RORA: variants seen among roughly 807,000 people sequenced by gnomAD.
RORA encodes the protein RAR related orphan receptor A, also known as nuclear receptor ROR-alpha.
In RORA, 7 loss-of-function variants were observed where a neutral mutation model predicts 69.5. The ratio of observed to expected loss-of-function variants is 0.10; its 90% CI spans 0.06 to 0.19. The LOEUF (loss-of-function observed/expected upper bound fraction) is 0.19. Ranked by LOEUF, RORA falls within the 10% of genes least tolerant of loss-of-function variation. The probability of loss-of-function intolerance (pLI) is 1.00; values close to 1 mark genes in which losing one functional copy is unlikely to be tolerated. For synonymous variants in RORA, 261 were observed against 240.8 expected, an observed-to-expected ratio of 1.08 and a Z score of -0.78; for missense variants, 457 against 663.0, an observed-to-expected ratio of 0.69 and a Z score of 3.41.
chr15:60,503,696 C>A (rs2065402587), intron 6 of RORA, 29 bp from the exon 7 acceptor site: 3 of 1,610,726 alleles, frequency 1.9e-6, no homozygotes, highest in Non-Finnish European at 2.5e-6. Context: ...CATTAACATC[C>A]TCCAGGAAGA....
At position 60,742,666 on chromosome 15, in the gene RORA, TCTC is replaced by T. The variant is rs1422991169; in HGVS notation, c.167-63983_167-63981del. ...AAGCCTCAGTCTTTGCTAACACTAT[TCTC>T]CTCTTTGCTTCTATGAGTTTGACTT... On this transcript the variant is annotated intron_variant, in intron 1 of 10. Transcript: ENST00000335670. 2.0e-5 allele frequency among the ~76,000 whole-genome samples: 3 copies of T among 152,182 alleles called. No individual in the cohort carries two copies. The South Asian group carries it at 6.2e-4, about 32-fold the overall frequency.
chr15:60,814,984 G>C (rs1171594448), intron 1 of RORA, among the ~76,000 whole-genome samples: 8 of 152,156 alleles, frequency 5.3e-5, no homozygotes, highest in Admixed American at 5.2e-4. Flanking sequence ...CTGAATCCAT[G>C]TTCAAAAGTA....
At chr15:60,644,366 T>G (rs1266415262) in intron 2 of RORA, among the ~76,000 whole-genome samples, 1 of 152,204 alleles carries the variant, frequency 6.6e-6, no homozygotes, top group Non-Finnish European at 1.5e-5. Flanking sequence ...CCCATGCTAA[T>G]AACATTCATT....
intron 1 of RORA, among the ~76,000 whole-genome samples, chr15:60,831,380 C>G (rs188457907): frequency 2.2e-4 from 33 of 152,192 alleles, no homozygotes; most frequent in Middle Eastern, 3.4e-3. Context: ...CTCATTCTCT[C>G]CTGACATCCC....
intron 1 of RORA, among the ~76,000 whole-genome samples, chr15:60,701,756 C>T (rs2070985187): frequency 6.6e-6 from 1 of 152,134 alleles, no homozygotes; most frequent in Admixed American, 6.5e-5. Flanking sequence ...TGCTCCTCTC[C>T]TTCCGTATTG....
At chr15:61,020,336 C>G (rs896811032) in intron 1 of RORA, among the ~76,000 whole-genome samples, 2 of 152,152 alleles carry the variant, frequency 1.3e-5, no homozygotes, top group Non-Finnish European at 2.9e-5. Context: ...TGAAAGCACT[C>G]TCTTTGCCCC....
intron 1 of RORA, among the ~76,000 whole-genome samples, chr15:60,831,622 T>G (rs2073043337): frequency 6.6e-6 from 1 of 152,164 alleles, no homozygotes; most frequent in Middle Eastern, 3.2e-3. Flanking sequence ...TGTCCCCACC[T>G]CATTTGGGTA....
In RORA at chr15:60,559,300, T is replaced by C. The variant is rs8029513; in HGVS notation, c.197-27449A>G. 3.4e-3 allele frequency among the ~76,000 whole-genome samples: 511 copies of C among 152,342 alleles called. 1 individual carries two copies. Among genetic ancestry groups the C allele is most frequent in the African/African-American group, 0.012 (500 of 41,568 alleles). On this transcript the variant is annotated intron_variant, in intron 2 of 10. Coordinates refer to ENST00000335670, the MANE Select transcript of RORA (RefSeq NM_134261.3). ...TCCTTTTTATGTTTTTTCTTCCTCC[T>C]TCATCTGTAGTTTTCCTTCCTTCTG... is the stretch of plus-strand genomic sequence containing the variant.
chr15:61,145,491 G>T (rs2079338152), intron 1 of RORA, among the ~76,000 whole-genome samples: 2 of 151,912 alleles, frequency 1.3e-5, no homozygotes, highest in South Asian at 4.2e-4. Context: ...TTTTCCTTTT[G>T]GCTTCCAAAA....
intron 1 of RORA, among the ~76,000 whole-genome samples, chr15:60,794,735 A>G (rs2072467268): frequency 1.3e-5 from 2 of 152,216 alleles, no homozygotes; most frequent in African/African-American, 4.8e-5. Context: ...CAGTACTTCT[A>G]TTCTGATAGG....
chr15:61,107,306 T>G (rs1317347381), intron 1 of RORA, among the ~76,000 whole-genome samples: 2 of 152,208 alleles, frequency 1.3e-5, no homozygotes, highest in African/African-American at 4.8e-5. Flanking sequence ...TGCAAAAGTT[T>G]AAAAATGATA....
chr15:60,907,875 A>AT (rs1424955209), intron 1 of RORA, among the ~76,000 whole-genome samples: 2 of 152,004 alleles, frequency 1.3e-5, no homozygotes, highest in East Asian at 1.9e-4. Context: ...TCAAACACTA[A>AT]TTTTTCAGCA....
intron 1 of RORA, among the ~76,000 whole-genome samples, chr15:61,048,414 A>G (rs774994971): frequency 2.0e-5 from 3 of 152,170 alleles, no homozygotes; most frequent in Non-Finnish European, 2.9e-5. Context: ...TGGAGGTGAG[A>G]GAGGCACAGG....
intron 2 of RORA, chr15:60,593,026 G>C (rs1323923091): frequency 2.3e-6 from 1 of 443,830 alleles, no homozygotes; most frequent in East Asian, 7.6e-5. Flanking sequence ...GAGTGCCCCA[G>C]CTCTAATCGG....
intron 1 of RORA, 125 bp downstream of exon 1, chr15:61,228,928 G>A (rs1456616239): frequency 4.2e-6 from 1 of 235,592 alleles, no homozygotes; most frequent in African/African-American, 2.4e-5. Flanking sequence ...CTCCGGGCTC[G>A]GGGCGCCGCC....
intron 1 of RORA, among the ~76,000 whole-genome samples, chr15:61,102,881 G>C (rs188791324): frequency 6.6e-6 from 1 of 152,088 alleles, no homozygotes; most frequent in Non-Finnish European, 1.5e-5. Flanking sequence ...AGGACCAACA[G>C]AGGCTTTTCC....
chr15:61,052,130 C>T (rs2078023310), intron 1 of RORA, among the ~76,000 whole-genome samples: 1 of 152,198 alleles, frequency 6.6e-6, no homozygotes, highest in Admixed American at 6.5e-5. Flanking sequence ...GTTAAAGGTG[C>T]TAACCATTAG....
At chr15:60,784,810 G>A (rs767863430) in intron 1 of RORA, among the ~76,000 whole-genome samples, 46 of 152,080 alleles carry the variant, frequency 3.0e-4, no homozygotes, top group South Asian at 8.3e-4. Context: ...TAGAAATGTC[G>A]CCTATGCCCT....
At chr15:61,072,654 G>A (rs1188388491) in intron 1 of RORA, among the ~76,000 whole-genome samples, 1 of 152,160 alleles carries the variant, frequency 6.6e-6, no homozygotes, top group Non-Finnish European at 1.5e-5. Flanking sequence ...AAGCTGCTGT[G>A]AGCTACACTG....
Sources: allele counts gnomAD v4.1 joint callset (sites outside exome capture counted in the v4.1 genomes callset), GRCh38; gene constraint gnomAD v4.1.1; transcripts MANE v1.5; gene names NCBI Gene and HGNC (gene_info 2026-07-23, HGNC 2026-07-21).